The following SCG5 variants were observed in gnomAD, a reference collection of about 807,000 sequenced individuals.
The protein encoded by SCG5 is neuroendocrine protein 7B2.
SCG5 carries 18 observed loss-of-function variants against 25.7 expected under a neutral mutation model. The observed-to-expected ratio is 0.70, with a 90% CI of 0.48 to 1.04. The LOEUF is 1.04. SCG5 is among the 50% of genes least tolerant of loss of function. The pLI, the probability that SCG5 is intolerant of heterozygous loss-of-function variation, is 0.00. For missense variants in SCG5, 206 were observed against 259.8 expected (o/e 0.79, Z 1.42); for synonymous variants, 101 against 91.7 (o/e 1.10, Z -0.58).
intron 3 of SCG5, among the ~76,000 whole-genome samples, chr15:32,680,282 G>A (rs1021526925): frequency 2.1e-5 from 3 of 145,934 alleles, no homozygotes; most frequent in Middle Eastern, 3.5e-3. Context: ...TGCACGCTCC[G>A]CCTCCCAGGT....
chr15:32,651,820 A>C (rs2054035058), intron 2 of SCG5, among the ~76,000 whole-genome samples: 1 of 152,232 alleles, frequency 6.6e-6, no homozygotes, highest in Non-Finnish European at 1.5e-5. Flanking sequence ...GATGAACACG[A>C]TGACATGTTT....
At chr15:32,660,512 G>C (rs1381402105) in intron 2 of SCG5, among the ~76,000 whole-genome samples, 1 of 152,216 alleles carries the variant, frequency 6.6e-6, no homozygotes, top group Non-Finnish European at 1.5e-5. Context: ...TGGAGAAGCA[G>C]TAAGAGTGAG....
intron 2 of SCG5, among the ~76,000 whole-genome samples, chr15:32,647,036 A>G (rs2140498769): frequency 6.6e-6 from 1 of 152,352 alleles, no homozygotes; most frequent in Non-Finnish European, 1.5e-5. Context: ...TATGAGCACA[A>G]ACCATTGTCA....
chr15:32,651,371 C>A (rs1417222340), intron 2 of SCG5, among the ~76,000 whole-genome samples: 1 of 152,228 alleles, frequency 6.6e-6, no homozygotes, highest in Non-Finnish European at 1.5e-5. Context: ...AGCCTCTACT[C>A]TGCCAAGCTT....
At chr15:32,678,199 T>A (rs113077690) in intron 2 of SCG5, among the ~76,000 whole-genome samples, 434 of 152,268 alleles carry the variant, frequency 2.9e-3, no homozygotes, top group Non-Finnish European at 5.1e-3. Context: ...GGAATAAAAA[T>A]GACAAATCTG....
At chr15:32,669,258 ATAAG>A (rs1356061738) in intron 2 of SCG5, 9 of 152,262 alleles carry the variant, frequency 5.9e-5, no homozygotes, top group African/African-American at 2.2e-4. Flanking sequence ...AAATGATGTC[ATAAG>A]TAAGTGTAGT....
intron 3 of SCG5, chr15:32,684,302 A>G: frequency 2.3e-6 from 1 of 426,678 alleles, no homozygotes; most frequent in South Asian, 4.8e-5. Flanking sequence ...CTGGGAAATT[A>G]GTCTAGCTGG....
chr15:32,655,740 C>G (rs1225605284), intron 2 of SCG5, among the ~76,000 whole-genome samples: 3 of 152,206 alleles, frequency 2.0e-5, no homozygotes, highest in South Asian at 2.1e-4. Flanking sequence ...CTCATTTGCC[C>G]TTTCCACCGT....
intron 2 of SCG5, among the ~76,000 whole-genome samples, chr15:32,677,259 G>A (rs1434913340): frequency 1.3e-5 from 2 of 152,132 alleles, no homozygotes; most frequent in African/African-American, 4.8e-5. Context: ...ACAACCACTC[G>A]ATGTTGCCTG....
chr15:32,657,199 G>GTGTGTATATATATATATATATATATATA (rs2054131495), intron 2 of SCG5, among the ~76,000 whole-genome samples: 1 of 6,674 alleles, frequency 1.5e-4, no homozygotes, highest in African/African-American at 5.1e-4. Context: ...TCATCCTCCT[G>GTGTGTATATATATATATATATATATATA]TATATATATA....
intron 5 of SCG5, among the ~76,000 whole-genome samples, chr15:32,696,170 T>G (rs955107312): frequency 6.6e-6 from 1 of 152,050 alleles, no homozygotes; most frequent in East Asian, 1.9e-4. Flanking sequence ...CAGGCTGGAG[T>G]GCAGTGGCAT....
rs565229829 is a variant in SCG5, at chr15:32,650,673, ATGGCCTTGG to A, written c.226+6856_226+6864del. Reference sequence around the variant, plus strand: ...CAGCTGACACTGATGATGGCCTTGGATGGCCTTGGATGAATCCAACCAGAAAATGTGCTT... The same window carrying A: ...CAGCTGACACTGATGATGGCCTTGGAATGAATCCAACCAGAAAATGTGCTT... On this transcript the variant is annotated intron_variant, in intron 2 of 5. Transcript: ENST00000300175. 5.9e-4 allele frequency among the ~76,000 whole-genome samples: 90 copies of A among 152,300 alleles called. 3 individuals are homozygous for A. In the East Asian group the frequency reaches 0.017, roughly 29 times the overall value.
intron 5 of SCG5, 61 bp from the exon 6 acceptor site, chr15:32,696,453 T>C: frequency 8.6e-7 from 1 of 1,165,080 alleles, no homozygotes; most frequent in East Asian, 2.4e-5. Context: ...TTCTGAGATG[T>C]CTGTATCTGA....
intron 2 of SCG5, among the ~76,000 whole-genome samples, chr15:32,663,074 T>C (rs2054259653): frequency 1.7e-5 from 1 of 59,146 alleles, no homozygotes; most frequent in Non-Finnish European, 4.0e-5. Flanking sequence ...TATATATATA[T>C]ATATAATATA....
intron 2 of SCG5, among the ~76,000 whole-genome samples, chr15:32,648,295 A>C (rs572191745): frequency 2.6e-5 from 4 of 152,066 alleles, no homozygotes; most frequent in South Asian, 2.1e-4. Context: ...TACTCCAAAC[A>C]CCCTGGTCCA....
At chr15:32,643,093 T>C (rs2053891755) in intron 1 of SCG5, among the ~76,000 whole-genome samples, 1 of 152,200 alleles carries the variant, frequency 6.6e-6, no homozygotes, top group Non-Finnish European at 1.5e-5. Flanking sequence ...CTGAAATGTT[T>C]CCCTGCCACC....
At chr15:32,666,277 C>T (rs956559312) in intron 2 of SCG5, 1 of 152,160 alleles carries the variant, frequency 6.6e-6, no homozygotes, top group African/African-American at 2.4e-5. Context: ...AAACAGTGAA[C>T]ATGCCTGCTC....
At chr15:32,683,235 C>T (rs777744312) in intron 3 of SCG5, among the ~76,000 whole-genome samples, 2 of 152,150 alleles carry the variant, frequency 1.3e-5, no homozygotes, top group Non-Finnish European at 2.9e-5. Context: ...ACTAGACAAC[C>T]TGGCTAATTG....
intron 3 of SCG5, among the ~76,000 whole-genome samples, chr15:32,680,403 T>G (rs1438900254): frequency 1.3e-5 from 2 of 151,984 alleles, no homozygotes; most frequent in Non-Finnish European, 2.9e-5. Flanking sequence ...ATTCAGCGTG[T>G]TAGCCAGGAT....
Sources: allele counts gnomAD v4.1 joint callset (sites outside exome capture counted in the v4.1 genomes callset), GRCh38; gene constraint gnomAD v4.1.1; transcripts MANE v1.5; gene names NCBI Gene and HGNC (gene_info 2026-07-23, HGNC 2026-07-21).